The following ZNF567 variants were observed in gnomAD, a reference collection of about 807,000 sequenced individuals.
ZNF567 encodes the protein zinc finger protein 567.
A neutral mutation model predicts 53.9 loss-of-function variants in ZNF567; 36 were observed. The ratio of observed to expected loss-of-function variants is 0.67; its 90% CI spans 0.51 to 0.88. The LOEUF is 0.88. ZNF567 is among the 40% of genes least tolerant of loss of function. The pLI is 0.00. For missense variants in ZNF567, 619 were observed against 764.7 expected (o/e 0.81, Z 2.25); for synonymous variants, 224 against 260.4 (o/e 0.86, Z 1.35).
At chr19:36,685,393 T>C (rs1219719171), upstream of ZNF567, 1 of 152,172 alleles carries the variant, frequency 6.6e-6, no homozygotes, top group Non-Finnish European at 1.5e-5. Context: ...GTGTCAGTCA[T>C]CTGTACTCCA....
chr19:36,682,283 CAAAAA>C, the ZNF567 span, among the ~76,000 whole-genome samples: 2 of 96,606 alleles, frequency 2.1e-5, no homozygotes, highest in Non-Finnish European at 2.1e-5. Flanking sequence ...GACCCTGTCT[CAAAAA>C]AAAAAAAAAA....
At chr19:36,695,215 G>C (rs1016099115) in intron 3 of ZNF567, among the ~76,000 whole-genome samples, 1 of 149,612 alleles carries the variant, frequency 6.7e-6, no homozygotes, top group African/African-American at 2.5e-5. Context: ...AGAGATCCTT[G>C]TCTCCACCAG....
At chr19:36,667,916 T>TG in the ZNF567 span, among the ~76,000 whole-genome samples, 1 of 151,908 alleles carries the variant, frequency 6.6e-6, no homozygotes, top group East Asian at 2.0e-4. Context: ...CCCAAAGTGC[T>TG]GGATTACAGG....
intron 3 of ZNF567, among the ~76,000 whole-genome samples, chr19:36,704,585 T>C (rs956891181): frequency 6.6e-6 from 1 of 152,122 alleles, no homozygotes; most frequent in Non-Finnish European, 1.5e-5. Flanking sequence ...TATAATACTT[T>C]TGTATATATT....
At position 36,701,333 on chromosome 19, in the gene ZNF567, T is replaced by G. The variant is rs1298937218; in HGVS notation, c.9+6457T>G. Among the ~76,000 whole-genome samples the G allele has an allele frequency of 2.6e-5, 4 of 151,822 alleles. No homozygotes were observed. The East Asian group carries it at 7.8e-4, about 30-fold the overall frequency. On this transcript the variant is annotated intron_variant, in intron 3 of 5. Transcript: ENST00000682579. ...TCTTTTACATTTGCTGAGGAGAGCT[T>G]TACTTCCAAGTATGTGGTCAATTTT...
At chr19:36,688,110 T>C (rs2038357676) in intron 1 of ZNF567, among the ~76,000 whole-genome samples, 1 of 152,032 alleles carries the variant, frequency 6.6e-6, no homozygotes, top group African/African-American at 2.4e-5. Context: ...GCGAGTCGAT[T>C]TGTGTTTGAG....
the ZNF567 span, among the ~76,000 whole-genome samples, chr19:36,675,967 A>G: frequency 2.0e-5 from 3 of 149,386 alleles, no homozygotes; most frequent in African/African-American, 7.4e-5. Flanking sequence ...GTACACTTTG[A>G]TAAATGGCAT....
chr19:36,685,013 C>T (rs1175515566), upstream of ZNF567, among the ~76,000 whole-genome samples: 3 of 152,210 alleles, frequency 2.0e-5, no homozygotes, highest in South Asian at 2.1e-4. Flanking sequence ...CCCGGCTGGC[C>T]GAGGTGGCTC....
At chr19:36,674,094 ACATTTTTATTTAC>A in the ZNF567 span, among the ~76,000 whole-genome samples, 16 of 152,204 alleles carry the variant, frequency 1.1e-4, no homozygotes, top group African/African-American at 3.4e-4. Context: ...TTATTCTCAA[ACATTTTTATTTAC>A]TAATTATTAT....
intron 5 of ZNF567, among the ~76,000 whole-genome samples, chr19:36,716,691 T>C (rs1464405246): frequency 6.6e-6 from 1 of 152,224 alleles, no homozygotes; most frequent in African/African-American, 2.4e-5. Context: ...AAGGGAGATA[T>C]CTTTTCATCC....
chr19:36,694,987 C>T lies in ZNF567; in HGVS notation c.9+111C>T, dbSNP rs928835483. 11 of 1,229,614 alleles carry T rather than the reference C, an allele frequency of 8.9e-6. No individual in the cohort carries two copies. In the Admixed American group the frequency reaches 2.8e-4, roughly 31 times the overall value. The allele number at this position is 1,229,614 out of a possible 1,614,324, so 76.2% of individuals were successfully genotyped here. ...ACATCCTCCTACCTATCTTTCCCTTCAGAAAACTGGTCCTCACTTCTTCCC... is the reference window on the plus strand; with the variant it reads ...ACATCCTCCTACCTATCTTTCCCTTTAGAAAACTGGTCCTCACTTCTTCCC... On this transcript the variant is annotated intron_variant, in intron 3 of 5. Coordinates refer to ENST00000682579, the MANE Select transcript of ZNF567 (RefSeq NM_001322917.1).
chr19:36,682,835 C>T (rs899486272), upstream of ZNF567, among the ~76,000 whole-genome samples: 3 of 151,744 alleles, frequency 2.0e-5, no homozygotes, highest in African/African-American at 7.3e-5. Flanking sequence ...TCTCAATCTC[C>T]TGACCTCGTG....
chr19:36,706,676 T>TG (rs1376784056), intron 3 of ZNF567, among the ~76,000 whole-genome samples: 3 of 123,016 alleles, frequency 2.4e-5, no homozygotes, highest in Non-Finnish European at 5.2e-5. Flanking sequence ...TTGGTTTTTT[T>TG]TTTTGTTTTT....
In ZNF567 at chr19:36,719,532, C is replaced by G. The variant is rs1018082815; in HGVS notation, c.808C>G (p.Leu270Val). The G allele has an allele frequency of 1.2e-6, 2 of 1,613,828 alleles. No individual in the cohort carries two copies. The highest frequency in any genetic ancestry group is 2.2e-5 in the South Asian group (2 of 91,042). The stretch of plus-strand genomic sequence containing the variant: ...TTTCTGCAGGAAATCAGTATTGATT[C>G]TGCATCAGGGAATTCACTCAGAAGA... ...KSFCRKSVLI[L>V]HQGIHSEEKP... Residue 270 changes from leucine to valine, a missense_variant, in exon 6 of 6, where the codon CTG becomes GTG. By Grantham distance (32) the Leu-to-Val change is conservative. Coordinates refer to ENST00000682579, the MANE Select transcript of ZNF567 (RefSeq NM_001322917.1).
chr19:36,712,344 G>A, intron 3 of ZNF567, 42 bp from the exon 4 acceptor site: 1 of 1,593,718 alleles, frequency 6.3e-7, no homozygotes, highest in Non-Finnish European at 8.6e-7. Context: ...CACTGTACCT[G>A]GCTAAGTCCA....
upstream of ZNF567, among the ~76,000 whole-genome samples, chr19:36,687,079 C>G (rs901597314): frequency 6.6e-6 from 1 of 152,176 alleles, no homozygotes; most frequent in Admixed American, 6.5e-5. Flanking sequence ...TTAAACACAG[C>G]ACTGCAGAAA....
At chr19:36,692,125 G>A (rs1229284420) in intron 2 of ZNF567, among the ~76,000 whole-genome samples, 2 of 152,054 alleles carry the variant, frequency 1.3e-5, no homozygotes, top group African/African-American at 2.4e-5. Context: ...ATTCACATTC[G>A]GGTCTTTTTG....
At chr19:36,706,676 TTTTTG>T (rs2039508137) in intron 3 of ZNF567, among the ~76,000 whole-genome samples, 2 of 123,016 alleles carry the variant, frequency 1.6e-5, no homozygotes, top group African/African-American at 3.4e-5. Context: ...TTGGTTTTTT[TTTTTG>T]TTTTTTTTTT....
chr19:36,718,209 T>C (rs1187829747), intron 5 of ZNF567, among the ~76,000 whole-genome samples: 1 of 152,020 alleles, frequency 6.6e-6, no homozygotes, highest in Non-Finnish European at 1.5e-5. Flanking sequence ...TATAAAAGTA[T>C]TGGTGATCAG....
Sources: allele counts gnomAD v4.1 joint callset (sites outside exome capture counted in the v4.1 genomes callset), GRCh38; gene constraint gnomAD v4.1.1; transcripts MANE v1.5; gene names NCBI Gene and HGNC (gene_info 2026-07-23, HGNC 2026-07-21).